The following TJP1 variants were observed in gnomAD, a reference collection of about 807,000 sequenced individuals.
The protein encoded by TJP1 is tight junction protein 1.
A neutral mutation model predicts 194.2 loss-of-function variants in TJP1; 43 were observed. The observed-to-expected ratio is 0.22, with a 90% CI of 0.17 to 0.29. The LOEUF is 0.29. Among genes scored for constraint, TJP1 ranks in the 10% least tolerant of loss-of-function variants. TJP1 has a pLI of 1.00. For missense variants in TJP1, 1,971 were observed against 2,185.7 expected (o/e 0.90, Z 1.96); for synonymous variants, 801 against 779.0 (o/e 1.03, Z -0.47).
At chr15:29,801,945 G>C (rs942748344) in intron 1 of TJP1, among the ~76,000 whole-genome samples, 1 of 151,984 alleles carries the variant, frequency 6.6e-6, no homozygotes, top group African/African-American at 2.4e-5. Flanking sequence ...TTACGAATTT[G>C]TGTTGGGCCG....
At chr15:29,956,316 G>C in exon 2 of TJP1, 1 of 1,288,910 alleles carries the variant, frequency 7.8e-7, no homozygotes, top group Non-Finnish European at 1.0e-6. Flanking sequence ...GTTTTCCTTG[G>C]CTGACACTAG....
intron 2 of TJP1, among the ~76,000 whole-genome samples, chr15:29,938,593 C>T (rs910641789): frequency 6.6e-6 from 1 of 152,208 alleles, no homozygotes; most frequent in African/African-American, 2.4e-5. Context: ...TACCACCCCC[C>T]AGTTATCACA....
intron 2 of TJP1, among the ~76,000 whole-genome samples, chr15:29,844,218 G>C (rs1325291478): frequency 2.0e-5 from 3 of 152,254 alleles, no homozygotes; most frequent in Middle Eastern, 3.4e-3. Context: ...CTACAGGCAT[G>C]CATCACCACG....
chr15:29,727,964 C>T lies in TJP1; in HGVS notation c.2073G>A (p.Leu691=). The T allele has an allele frequency of 1.2e-6, 2 of 1,614,036 alleles. No individual in the cohort carries two copies. Among genetic ancestry groups the T allele is most frequent in the Non-Finnish European group, 1.7e-6 (2 of 1,179,934 alleles). Residue 691 remains leucine, a synonymous_variant, in exon 16 of 28, where the codon CTG becomes CTA. Coordinates refer to ENST00000614355, the MANE Select transcript of TJP1 (RefSeq NM_001330239.4). ...GATCTATGATTTGCTTTATTGTATGCAGGCGAATAATGCCAGAGCTACGTT... is the reference window on the plus strand; with the variant it reads ...GATCTATGATTTGCTTTATTGTATGTAGGCGAATAATGCCAGAGCTACGTT... ...TDQRSSGIIR[L]HTIKQIIDQD...
At chr15:29,734,823 T>C (rs1445603312) in intron 11 of TJP1, among the ~76,000 whole-genome samples, 1 of 152,108 alleles carries the variant, frequency 6.6e-6, no homozygotes, top group Non-Finnish European at 1.5e-5. Flanking sequence ...AACTTTATTT[T>C]ACTTTGGAGA....
chr15:29,965,186 CATTT>C (rs58512547), intron 1 of TJP1, among the ~76,000 whole-genome samples: 12,860 of 148,282 alleles, frequency 0.087, 790 homozygotes, highest in African/African-American at 0.18. Context: ...TACATCCTCA[CATTT>C]ATTTATTTAT....
At chr15:29,785,667 A>T (rs906124226) in intron 2 of TJP1, among the ~76,000 whole-genome samples, 4 of 152,098 alleles carry the variant, frequency 2.6e-5, no homozygotes, top group Admixed American at 6.6e-5. Context: ...ACAATCCGCT[A>T]ATTATAACTT....
At chr15:29,721,649 T>C (rs2042934561) in intron 18 of TJP1, among the ~76,000 whole-genome samples, 1 of 152,112 alleles carries the variant, frequency 6.6e-6, no homozygotes, top group Admixed American at 6.6e-5. Flanking sequence ...AACTGGGTAA[T>C]GGGCAGAGGT....
chr15:29,956,310 T>C (rs2055939451), exon 2 of TJP1: 1 of 1,288,996 alleles, frequency 7.8e-7, no homozygotes. Context: ...AAGAGGGTTT[T>C]CCTTGGCTGA....
intron 2 of TJP1, among the ~76,000 whole-genome samples, chr15:29,919,717 C>T (rs1311099458): frequency 6.6e-6 from 1 of 152,166 alleles, no homozygotes. Context: ...ACCAGCTGCC[C>T]TCATCAGCCT....
intron 2 of TJP1, among the ~76,000 whole-genome samples, chr15:29,879,492 C>A (rs747095373): frequency 1.3e-5 from 2 of 152,148 alleles, no homozygotes; most frequent in Non-Finnish European, 2.9e-5. Flanking sequence ...TTGAATATTT[C>A]TTAGGTTTAT....
chr15:29,931,812 T>C (rs949068326), intron 2 of TJP1, among the ~76,000 whole-genome samples: 3 of 152,224 alleles, frequency 2.0e-5, no homozygotes, highest in Non-Finnish European at 4.4e-5. Flanking sequence ...ACGGCTACTC[T>C]ATAGACAGAG....
chr15:29,788,831 C>T (rs2047880358), intron 2 of TJP1, among the ~76,000 whole-genome samples: 1 of 152,166 alleles, frequency 6.6e-6, no homozygotes, highest in Non-Finnish European at 1.5e-5. Context: ...TATGCATTTT[C>T]TAAGGGCGAG....
At chr15:29,865,715 C>A (rs1014409554) in intron 2 of TJP1, among the ~76,000 whole-genome samples, 3 of 152,024 alleles carry the variant, frequency 2.0e-5, no homozygotes, top group East Asian at 1.9e-4. Context: ...GAGCAATGTG[C>A]GGGATCTGGG....
At chr15:29,921,087 T>C (rs1487871518) in intron 2 of TJP1, among the ~76,000 whole-genome samples, 2 of 152,170 alleles carry the variant, frequency 1.3e-5, no homozygotes, top group Admixed American at 6.5e-5. Context: ...GTTGTAGTTT[T>C]GAAATCTTCA....
intron 8 of TJP1, among the ~76,000 whole-genome samples, chr15:29,752,430 T>A (rs2151447700): frequency 6.6e-6 from 1 of 152,238 alleles, no homozygotes; most frequent in South Asian, 2.1e-4. Flanking sequence ...ACGGGATATA[T>A]GATAAATATT....
intron 2 of TJP1, among the ~76,000 whole-genome samples, chr15:29,854,634 G>A (rs2051774804): frequency 6.6e-6 from 1 of 152,166 alleles, no homozygotes; most frequent in Non-Finnish European, 1.5e-5. Context: ...CTTCAAAACT[G>A]TGAGTAAAAC....
intron 4 of TJP1, 78 bp from the exon 5 acceptor site, chr15:29,766,620 TA>T (rs2046348377): frequency 7.2e-7 from 1 of 1,380,240 alleles, no homozygotes; most frequent in Non-Finnish European, 9.7e-7. Flanking sequence ...AAAGGAATAT[TA>T]CACTTCTCAT....
intron 1 of TJP1, chr15:29,956,381 A>C (rs1471483135): frequency 1.6e-6 from 2 of 1,283,212 alleles, no homozygotes; most frequent in African/African-American, 1.5e-5. Flanking sequence ...GAAAGAAAAA[A>C]ATTCTTAAAA....
Sources: allele counts gnomAD v4.1 joint callset (sites outside exome capture counted in the v4.1 genomes callset), GRCh38; gene constraint gnomAD v4.1.1; transcripts MANE v1.5; gene names NCBI Gene and HGNC (gene_info 2026-07-23, HGNC 2026-07-21).